The following NR1H4 variants were observed in gnomAD, a reference collection of about 807,000 sequenced individuals.
NR1H4 encodes bile acid receptor.
In NR1H4, 23 loss-of-function variants were observed where a neutral mutation model predicts 58.5. The ratio of observed to expected loss-of-function variants is 0.39; its 90% CI spans 0.28 to 0.56. The LOEUF (loss-of-function observed/expected upper bound fraction) is 0.56, where lower values mean the gene tolerates loss of function less well. NR1H4 is among the 20% of genes least tolerant of loss of function. The pLI is 0.58. For missense variants in NR1H4, 487 were observed against 576.9 expected (o/e 0.84, Z 1.60); for synonymous variants, 214 against 198.0 (o/e 1.08, Z -0.68).
At chr12:100,488,392 C>T (rs528405688) in intron 1 of NR1H4, among the ~76,000 whole-genome samples, 1 of 152,184 alleles carries the variant, frequency 6.6e-6, no homozygotes, top group South Asian at 2.1e-4. Context: ...ATGAGCTGCC[C>T]CATTTGTAGA....
rs1014205144 is a variant in NR1H4 at position 100,473,942 on chromosome 12, C to T, written c.-307C>T. The stretch of plus-strand genomic sequence containing the variant: ...CACCTCATTGTCTCCCCGACTTATC[C>T]TAATGCGAAATTGGATTCTGAGCAT... On this transcript the variant is annotated 5_prime_UTR_variant, in exon 1 of 11. Transcript: ENST00000392986. The T allele has an allele frequency of 1.3e-5, 2 of 152,208 alleles. No individual in the cohort carries two copies. Among genetic ancestry groups the T allele is most frequent in the Admixed American group, 6.5e-5 (1 of 15,276 alleles). The allele number at this position is 152,208 out of a possible 1,614,324, so 9.4% of individuals were successfully genotyped here.
At position 100,510,879 on chromosome 12, in the gene NR1H4, A is replaced by T; in HGVS notation, c.181A>T (p.Ile61Phe). The change falls in exon 4 of 11, where the codon ATT becomes TTT. Residue 61 changes from isoleucine to phenylalanine, a missense_variant. Coordinates refer to ENST00000392986, the MANE Select transcript of NR1H4 (RefSeq NM_001206979.2). ...NVQFPQVQPQISSSSYYSNLG... is the reference protein window; with the variant it reads ...NVQFPQVQPQFSSSSYYSNLG... ...TCAGTTTCCCCAAGTTCAACCACAG[A>T]TTTCCTCGTCATCCTATTATTCCAA... The T allele has an allele frequency of 1.2e-6, 2 of 1,614,116 alleles. No individual in the cohort carries two copies. The highest frequency in any genetic ancestry group is 1.7e-6 in the Non-Finnish European group (2 of 1,180,022).
chr12:100,499,622 G>C (rs1005525889), intron 3 of NR1H4, among the ~76,000 whole-genome samples: 1 of 152,182 alleles, frequency 6.6e-6, no homozygotes, highest in African/African-American at 2.4e-5. Context: ...GAGTTGGCCA[G>C]CTGGTAGGCG....
intron 9 of NR1H4, among the ~76,000 whole-genome samples, chr12:100,545,671 C>CAAAAAAAAAAAAAAA (rs1491301660): frequency 1.9e-5 from 1 of 53,310 alleles, no homozygotes; most frequent in Admixed American, 2.0e-4. Flanking sequence ...AAAAAAAAAC[C>CAAAAAAAAAAAAAAA]AAACGGGGGG....
intron 3 of NR1H4, among the ~76,000 whole-genome samples, chr12:100,505,294 T>G (rs1166842597): frequency 6.6e-6 from 1 of 152,174 alleles, no homozygotes; most frequent in Non-Finnish European, 1.5e-5. Context: ...CATTTGGGGG[T>G]ACAGTGGTTC....
rs141475445 is a variant in NR1H4 at position 100,529,044 on chromosome 12, G to A, written c.446-3414G>A. Among the ~76,000 whole-genome samples the A allele has an allele frequency of 6.6e-3, 1,001 of 152,162 alleles. 3 individuals are homozygous for A. The highest frequency in any genetic ancestry group is 0.01 in the Middle Eastern group (3 of 294). ...TTAGTCTCTTAAAATGCATGCTTTG[G>A]TATTTGCACTCTCAATATCAACACT... On this transcript the variant is annotated intron_variant, in intron 4 of 10. Transcript: ENST00000392986.
At chr12:100,488,589 C>T (rs755205992) in intron 1 of NR1H4, among the ~76,000 whole-genome samples, 3 of 152,074 alleles carry the variant, frequency 2.0e-5, no homozygotes, top group Non-Finnish European at 2.9e-5. Context: ...CAGACTCTCA[C>T]GTGTAGACAT....
intron 9 of NR1H4, among the ~76,000 whole-genome samples, chr12:100,545,157 A>G (rs1300353301): frequency 6.6e-6 from 1 of 152,064 alleles, no homozygotes; most frequent in Non-Finnish European, 1.5e-5. Context: ...TGGCTCCATC[A>G]GATCTCCTGG....
At chr12:100,556,203 C>A (rs571995186) in intron 9 of NR1H4, among the ~76,000 whole-genome samples, 1 of 152,208 alleles carries the variant, frequency 6.6e-6, no homozygotes, top group South Asian at 2.1e-4. Flanking sequence ...TGCGGTGGCT[C>A]ATGTCTGTAA....
At chr12:100,507,462 T>C (rs1029617713) in intron 3 of NR1H4, among the ~76,000 whole-genome samples, 1 of 141,536 alleles carries the variant, frequency 7.1e-6, no homozygotes, top group Non-Finnish European at 1.5e-5. Context: ...TTTTGTTTTG[T>C]TTTTGTTTTT....
At chr12:100,502,106 T>A (rs1953849141) in intron 3 of NR1H4, among the ~76,000 whole-genome samples, 1 of 152,220 alleles carries the variant, frequency 6.6e-6, no homozygotes, top group South Asian at 2.1e-4. Flanking sequence ...GCTAAGCATT[T>A]TATAAATACT....
intron 9 of NR1H4, among the ~76,000 whole-genome samples, chr12:100,549,836 C>A (rs1955165505): frequency 6.6e-6 from 1 of 152,116 alleles, no homozygotes; most frequent in Non-Finnish European, 1.5e-5. Flanking sequence ...TTTCCTTCTC[C>A]CAGTGGGTTT....
In NR1H4 at chr12:100,475,124, C is replaced by CCTATCTATCTATCTAT. The variant is rs10629376; in HGVS notation, c.-190+1085_-190+1100dup. 8.2e-3 allele frequency among the ~76,000 whole-genome samples: 1,177 copies of CCTATCTATCTATCTAT among 143,192 alleles called. 9 individuals carry two copies. Among genetic ancestry groups the CCTATCTATCTATCTAT allele is most frequent in the Non-Finnish European group, 0.011 (750 of 66,472 alleles). The allele number at this position is 143,192 out of a possible 152,430, so 93.9% of individuals were successfully genotyped here. On this transcript the variant is annotated intron_variant, in intron 1 of 10. Coordinates refer to ENST00000392986, the MANE Select transcript of NR1H4 (RefSeq NM_001206979.2). The stretch of plus-strand genomic sequence containing the variant: ...AGTCACACCTCAGTAAAGTGGTTTA[C>CCTATCTATCTATCTAT]CTATCTATCTATCTATCTATCTATC...
intron 4 of NR1H4, among the ~76,000 whole-genome samples, chr12:100,524,210 A>T (rs762058593): frequency 1.1e-4 from 16 of 152,150 alleles, no homozygotes; most frequent in Non-Finnish European, 2.2e-4. Context: ...AAATGAGAAA[A>T]GTTATAAATC....
chr12:100,509,876 A>T (rs1954061356), intron 3 of NR1H4, among the ~76,000 whole-genome samples: 1 of 152,188 alleles, frequency 6.6e-6, no homozygotes, highest in Admixed American at 6.5e-5. Context: ...TTTCTTCTGT[A>T]TCATGCAGAA....
chr12:100,550,502 T>TTAG (rs1324189586), intron 9 of NR1H4, among the ~76,000 whole-genome samples: 1 of 151,966 alleles, frequency 6.6e-6, no homozygotes, highest in Non-Finnish European at 1.5e-5. Context: ...GAAGCTGGGG[T>TTAG]TACAGGCGAC....
chr12:100,562,451 G>A (rs956582234), intron 10 of NR1H4, among the ~76,000 whole-genome samples: 2 of 152,144 alleles, frequency 1.3e-5, no homozygotes. Context: ...TGGCATTGGA[G>A]CAGGGATCTA....
intron 4 of NR1H4, among the ~76,000 whole-genome samples, chr12:100,517,094 C>G (rs971719376): frequency 2.4e-4 from 37 of 152,148 alleles, no homozygotes; most frequent in African/African-American, 7.5e-4. Flanking sequence ...ATTATTAACT[C>G]TAGTCATGCT....
intron 3 of NR1H4, among the ~76,000 whole-genome samples, chr12:100,503,087 A>C (rs528742213): frequency 6.6e-6 from 1 of 152,120 alleles, no homozygotes; most frequent in Admixed American, 6.6e-5. Context: ...CCATTCTGCC[A>C]CCTTTTGATG....
Sources: gnomAD v4.1 joint callset for allele counts (sites outside exome capture counted in the v4.1 genomes callset) on GRCh38, gnomAD v4.1.1 for gene constraint, MANE v1.5 for transcripts, NCBI Gene and HGNC (gene_info 2026-07-23, HGNC 2026-07-21) for gene names.